The following C13orf46 variants were observed in gnomAD, a reference collection of about 807,000 sequenced individuals.
The protein encoded by C13orf46 is uncharacterized protein C13orf46.
At chr13:113,951,658 A>G (rs2052489208), downstream of C13orf46, among the ~76,000 whole-genome samples, 1 of 150,910 alleles carries the variant, frequency 6.6e-6, no homozygotes, top group Non-Finnish European at 1.5e-5. Flanking sequence ...CGCCTGCCCC[A>G]AGGCTGCATT....
the C13orf46 span, among the ~76,000 whole-genome samples, chr13:113,945,675 A>G: frequency 7.2e-6 from 1 of 138,204 alleles, no homozygotes; most frequent in South Asian, 2.2e-4. Flanking sequence ...AAAGAAAGGA[A>G]AGAAAAACAA....
At chr13:113,946,797 G>A in the C13orf46 span, among the ~76,000 whole-genome samples, 3 of 152,384 alleles carry the variant, frequency 2.0e-5, no homozygotes, top group Middle Eastern at 3.4e-3. Context: ...CTCGCTGGCC[G>A]AGGAGGAAAC....
In C13orf46 at chr13:113,955,200, CCG is replaced by C. The variant is rs2052514632; in HGVS notation, c.*1571_*1572del. The stretch of plus-strand genomic sequence containing the variant: ...GCATCTGGTGGAGAGGAGGAGCATC[CCG>C]TGGAGACGAGGAGCATCCCGTGGAG... On this transcript the variant is annotated 3_prime_UTR_variant, in exon 7 of 7. Coordinates refer to ENST00000636427, the MANE Select transcript of C13orf46 (RefSeq NM_001365455.2). 8 of 155,922 alleles carry C rather than the reference CCG, an allele frequency of 5.1e-5. No homozygotes were observed. The highest frequency in any genetic ancestry group is 6.0e-5 in the Non-Finnish European group (5 of 82,664). 9.7% of individuals were successfully genotyped at this position (155,922 alleles called of 1,614,324 possible).
chr13:113,956,344 TAGTATCTGGTGGAGAGG>T lies in C13orf46; in HGVS notation c.*412_*428del, dbSNP rs2052533827. 9.4e-6 allele frequency: 1 copy of T among 106,608 alleles called. No individual in the cohort carries two copies. Among genetic ancestry groups the T allele is most frequent in the Non-Finnish European group, 2.0e-5 (1 of 49,846 alleles). 6.6% of individuals were successfully genotyped at this position (106,608 alleles called of 1,614,324 possible). ...AGGAGTAGTATCTGGTGGAGAGGAGTAGTATCTGGTGGAGAGGAGGAGCATCTGGTGGAGAGGAGGAG... is the reference window on the plus strand; with the variant it reads ...AGGAGTAGTATCTGGTGGAGAGGAGTAGGAGCATCTGGTGGAGAGGAGGAG... On this transcript the variant is annotated 3_prime_UTR_variant, in exon 7 of 7. Transcript: ENST00000636427.
At chr13:113,931,652 T>C in the C13orf46 span, among the ~76,000 whole-genome samples, 7 of 152,198 alleles carry the variant, frequency 4.6e-5, no homozygotes, top group Admixed American at 4.6e-4. Flanking sequence ...TCACTCCTTG[T>C]CCTACAGCTT....
At chr13:113,961,276 T>C (rs1330446678) in intron 6 of C13orf46, among the ~76,000 whole-genome samples, 1 of 152,060 alleles carries the variant, frequency 6.6e-6, no homozygotes, top group Non-Finnish European at 1.5e-5. Flanking sequence ...ATAAATGTTC[T>C]AAAAATTACA....
At chr13:113,930,346 GA>G in the C13orf46 span, among the ~76,000 whole-genome samples, 4 of 85,486 alleles carry the variant, frequency 4.7e-5, no homozygotes, top group Non-Finnish European at 1.0e-4. Context: ...GGGAGTGGAG[GA>G]GCACCGAGGT....
downstream of C13orf46, among the ~76,000 whole-genome samples, chr13:113,949,186 C>T (rs1007172426): frequency 2.6e-4 from 39 of 152,228 alleles, no homozygotes; most frequent in Admixed American, 2.1e-3. Flanking sequence ...GGAGCCCCCA[C>T]GGTGCTCAGA....
the C13orf46 span, among the ~76,000 whole-genome samples, chr13:113,936,633 TC>T: frequency 6.6e-6 from 1 of 152,080 alleles, no homozygotes; most frequent in African/African-American, 2.4e-5. Context: ...CACATCAGCC[TC>T]CCTGAAAATG....
At position 113,955,309 on chromosome 13, in the gene C13orf46, AGAG is replaced by A; in HGVS notation, c.*1461_*1463del. ...GGCGGAGAGGAGTAGTATCTGGCAG[AGAG>A]GAGTAGTATCTGGTGGAGAGGAGGA... is the stretch of plus-strand genomic sequence containing the variant. On this transcript the variant is annotated 3_prime_UTR_variant, in exon 7 of 7. Coordinates refer to ENST00000636427, the MANE Select transcript of C13orf46 (RefSeq NM_001365455.2). The A allele has an allele frequency of 9.0e-6, 1 of 111,664 alleles. No individual in the cohort carries two copies. Among genetic ancestry groups the A allele is most frequent in the East Asian group, 4.2e-4 (1 of 2,366 alleles). 6.9% of individuals were successfully genotyped at this position (111,664 alleles called of 1,614,324 possible).
intron 4 of C13orf46, among the ~76,000 whole-genome samples, chr13:113,967,600 A>G (rs1379395763): frequency 6.6e-6 from 1 of 152,122 alleles, no homozygotes; most frequent in Non-Finnish European, 1.5e-5. Flanking sequence ...TGAGGTGCCC[A>G]TGTAGGAGAA....
At chr13:113,937,966 T>C in the C13orf46 span, among the ~76,000 whole-genome samples, 3 of 152,080 alleles carry the variant, frequency 2.0e-5, no homozygotes, top group Admixed American at 1.3e-4. Context: ...TGTGGGCAAA[T>C]CGTGAGGCAG....
chr13:113,947,769 AG>A, the C13orf46 span, among the ~76,000 whole-genome samples: 4 of 152,204 alleles, frequency 2.6e-5, no homozygotes, highest in African/African-American at 9.7e-5. Context: ...CATGTAGACA[AG>A]GAGCCCAGGA....
chr13:113,935,104 G>A, the C13orf46 span, among the ~76,000 whole-genome samples: 285 of 152,374 alleles, frequency 1.9e-3, 2 homozygotes, highest in South Asian at 0.013. Flanking sequence ...AGCCACTTCA[G>A]ACCCTTCCTC....
the C13orf46 span, among the ~76,000 whole-genome samples, chr13:113,944,610 T>C: frequency 1.0e-4 from 14 of 137,792 alleles, no homozygotes; most frequent in East Asian, 2.3e-4. Flanking sequence ...GTGTGACAAG[T>C]CCTCCAGGTG....
At chr13:113,963,208 T>TGCCCCTGTCCTCAGCCTCG (rs1301209383) in intron 6 of C13orf46, among the ~76,000 whole-genome samples, 2 of 134,132 alleles carry the variant, frequency 1.5e-5, no homozygotes, top group Admixed American at 7.5e-5. Flanking sequence ...TCCTCAGCCT[T>TGCCCCTGTCCTCAGCCTCG]GCCCCTGTCC....
the C13orf46 span, among the ~76,000 whole-genome samples, chr13:113,945,593 GAA>G: frequency 6.1e-3 from 738 of 121,688 alleles, 5 homozygotes; most frequent in Middle Eastern, 0.024. Flanking sequence ...GAGAGAGAGA[GAA>G]AGAAAGAAAG....
At chr13:113,935,429 T>C in the C13orf46 span, among the ~76,000 whole-genome samples, 2 of 152,354 alleles carry the variant, frequency 1.3e-5, no homozygotes, top group Non-Finnish European at 2.9e-5. Flanking sequence ...CTGGCCCTGG[T>C]GGAAGCCAGG....
intron 1 of C13orf46, among the ~76,000 whole-genome samples, chr13:113,972,136 AC>A (rs2052713736): frequency 6.6e-6 from 1 of 151,646 alleles, no homozygotes; most frequent in African/African-American, 2.4e-5. Flanking sequence ...CCTCCATCCG[AC>A]CCCGGCCTCT....
Sources: gnomAD v4.1 joint callset for allele counts (sites outside exome capture counted in the v4.1 genomes callset) on GRCh38, gnomAD v4.1.1 for gene constraint, MANE v1.5 for transcripts, NCBI Gene and HGNC (gene_info 2026-07-23, HGNC 2026-07-21) for gene names.